Variants in EEF2K observed in about 807,000 individuals in gnomAD.
The protein encoded by EEF2K is alternative protein EEF2K.
Under a neutral mutation model 93.8 loss-of-function variants are expected in EEF2K, and 70 were observed. The ratio of observed to expected loss-of-function variants is 0.75; its 90% CI spans 0.62 to 0.91. EEF2K has a LOEUF of 0.91. EEF2K is among the 40% of genes least tolerant of loss of function. The probability of loss-of-function intolerance (pLI) is 0.00; values close to 1 mark genes in which losing one functional copy is unlikely to be tolerated. For missense variants in EEF2K, 935 were observed against 972.9 expected (o/e 0.96, Z 0.52); for synonymous variants, 376 against 380.8 (o/e 0.99, Z 0.15).
chr16:22,215,129 C>T (rs2142100050), intron 1 of EEF2K, among the ~76,000 whole-genome samples: 1 of 152,248 alleles, frequency 6.6e-6, no homozygotes, highest in East Asian at 1.9e-4. Flanking sequence ...TTGGCCAGCA[C>T]CAGCCTGATT....
intron 2 of EEF2K, among the ~76,000 whole-genome samples, chr16:22,241,627 A>T (rs2047222889): frequency 8.7e-6 from 1 of 115,480 alleles, no homozygotes. Flanking sequence ...TGACAGAGGG[A>T]GACTGTCTCA....
At chr16:22,228,745 A>G (rs1364284169) in intron 2 of EEF2K, among the ~76,000 whole-genome samples, 1 of 152,192 alleles carries the variant, frequency 6.6e-6, no homozygotes, top group Non-Finnish European at 1.5e-5. Flanking sequence ...TGACCAGTCA[A>G]CTTTGAAGCT....
At chr16:22,258,347 T>C in intron 9 of EEF2K, 147 bp from the exon 10 acceptor site, 1 of 852,158 alleles carries the variant, frequency 1.2e-6, no homozygotes, top group Non-Finnish European at 1.8e-6. Flanking sequence ...TGATTTTTTA[T>C]TTTTTAAGAC....
At chr16:22,258,406 GT>G in intron 9 of EEF2K, 87 bp from the exon 10 acceptor site, 1 of 1,378,190 alleles carries the variant, frequency 7.3e-7, no homozygotes, top group Non-Finnish European at 1.0e-6. Context: ...GGATGAAGGG[GT>G]TTCAGGGTTA....
chr16:22,247,063 A>C (rs936250464), intron 3 of EEF2K, among the ~76,000 whole-genome samples: 7 of 148,816 alleles, frequency 4.7e-5, no homozygotes, highest in Non-Finnish European at 7.4e-5. Flanking sequence ...AAAAAAAAAA[A>C]AAAAGAAACT....
intron 2 of EEF2K, among the ~76,000 whole-genome samples, chr16:22,239,815 A>G (rs2047202800): frequency 6.6e-6 from 1 of 151,994 alleles, no homozygotes; most frequent in African/African-American, 2.4e-5. Context: ...TGTCTCTTTA[A>G]GAGAAAAAGT....
intron 15 of EEF2K, among the ~76,000 whole-genome samples, chr16:22,267,829 G>C (rs970744375): frequency 6.6e-6 from 1 of 152,194 alleles, no homozygotes; most frequent in South Asian, 2.1e-4. Context: ...GCCTGCTGCT[G>C]CTTCTGTCCC....
At chr16:22,233,255 G>C (rs971782485) in intron 2 of EEF2K, among the ~76,000 whole-genome samples, 8 of 152,188 alleles carry the variant, frequency 5.3e-5, no homozygotes, top group African/African-American at 1.9e-4. Flanking sequence ...AGCAGGAATT[G>C]TCTTTGGATT....
intron 1 of EEF2K, among the ~76,000 whole-genome samples, chr16:22,211,263 C>T (rs1038744057): frequency 6.6e-6 from 1 of 152,146 alleles, no homozygotes; most frequent in Non-Finnish European, 1.5e-5. Context: ...CCCAGCATTC[C>T]TCAGCTGACT....
intron 1 of EEF2K, among the ~76,000 whole-genome samples, chr16:22,208,771 A>AT (rs2046888091): frequency 6.6e-6 from 1 of 152,090 alleles, no homozygotes; most frequent in Non-Finnish European, 1.5e-5. Context: ...TGCTTTTAAA[A>AT]CATTTTACTG....
chr16:22,242,527 G>T (rs530922436), intron 2 of EEF2K, among the ~76,000 whole-genome samples: 1 of 151,758 alleles, frequency 6.6e-6, no homozygotes, highest in African/African-American at 2.4e-5. Context: ...GGCCAGGCTG[G>T]TCTCGAGCTC....
chr16:22,210,914 T>A (rs1376398859), intron 1 of EEF2K, among the ~76,000 whole-genome samples: 3 of 152,150 alleles, frequency 2.0e-5, no homozygotes, highest in Non-Finnish European at 4.4e-5. Flanking sequence ...ACTGAAATGC[T>A]ACCAATCTGT....
At chr16:22,213,334 C>A (rs761530389) in intron 1 of EEF2K, among the ~76,000 whole-genome samples, 3 of 152,170 alleles carry the variant, frequency 2.0e-5, no homozygotes, top group Non-Finnish European at 4.4e-5. Context: ...GGTTTCTCAG[C>A]CTCGGCACTG....
intron 3 of EEF2K, among the ~76,000 whole-genome samples, chr16:22,246,624 A>G (rs1346168905): frequency 1.3e-5 from 2 of 151,902 alleles, no homozygotes; most frequent in East Asian, 3.9e-4. Flanking sequence ...TTACCATCAC[A>G]CAACCTGGTA....
At chr16:22,232,493 G>T (rs982353416) in intron 2 of EEF2K, among the ~76,000 whole-genome samples, 1 of 152,122 alleles carries the variant, frequency 6.6e-6, no homozygotes, top group African/African-American at 2.4e-5. Flanking sequence ...GCTTCCCAAA[G>T]TGTTGGGATT....
intron 2 of EEF2K, among the ~76,000 whole-genome samples, chr16:22,229,324 A>C (rs2047093868): frequency 6.6e-6 from 1 of 152,202 alleles, no homozygotes; most frequent in Non-Finnish European, 1.5e-5. Flanking sequence ...AAACAAAAAA[A>C]CACTTTTTAG....
At chr16:22,224,070 G>C (rs1328452668) in intron 1 of EEF2K, among the ~76,000 whole-genome samples, 1 of 152,084 alleles carries the variant, frequency 6.6e-6, no homozygotes, top group Non-Finnish European at 1.5e-5. Flanking sequence ...AGCCGCGCGT[G>C]GTAGTGGATG....
At chr16:22,267,761 T>A (rs1339769312) in intron 15 of EEF2K, among the ~76,000 whole-genome samples, 1 of 152,078 alleles carries the variant, frequency 6.6e-6, no homozygotes, top group Non-Finnish European at 1.5e-5. Context: ...GTGCAGGAGC[T>A]GAGGCAGAGC....
At chr16:22,273,115 G>A (rs2047600681) in intron 15 of EEF2K, among the ~76,000 whole-genome samples, 1 of 152,210 alleles carries the variant, frequency 6.6e-6, no homozygotes, top group East Asian at 1.9e-4. Context: ...CTTTATTGAA[G>A]TGTCAGTGTT....
Sources: gnomAD v4.1 joint callset for allele counts (sites outside exome capture counted in the v4.1 genomes callset) on GRCh38, gnomAD v4.1.1 for gene constraint, MANE v1.5 for transcripts, NCBI Gene and HGNC (gene_info 2026-07-23, HGNC 2026-07-21) for gene names.